The following CLSTN2 variants were observed in gnomAD, a reference collection of about 807,000 sequenced individuals.
CLSTN2 encodes calsyntenin-2.
In CLSTN2, 48 loss-of-function variants were observed where a neutral mutation model predicts 101.2. The observed-to-expected ratio is 0.47, with a 90% CI of 0.38 to 0.60. CLSTN2 has a LOEUF of 0.60. Among genes scored for constraint, CLSTN2 ranks in the 20% least tolerant of loss-of-function variants. CLSTN2 has a pLI of 0.00. For missense variants in CLSTN2, 1,160 were observed against 1,238.2 expected (o/e 0.94, Z 0.95); for synonymous variants, 481 against 463.6 (o/e 1.04, Z -0.48).
chr3:140,193,231 T>G (rs1479699000), intron 2 of CLSTN2, among the ~76,000 whole-genome samples: 2 of 151,100 alleles, frequency 1.3e-5, no homozygotes, highest in Non-Finnish European at 3.0e-5. Context: ...CTTTCTTCTT[T>G]TCTGATGCTC....
intron 1 of CLSTN2, among the ~76,000 whole-genome samples, chr3:140,107,923 G>A (rs1240897032): frequency 3.3e-5 from 5 of 152,306 alleles, no homozygotes; most frequent in African/African-American, 1.2e-4. Flanking sequence ...AAAAAAGTGA[G>A]AGACTTCTCT....
At chr3:140,521,704 G>T (rs997829548) in intron 8 of CLSTN2, among the ~76,000 whole-genome samples, 1 of 152,214 alleles carries the variant, frequency 6.6e-6, no homozygotes, top group African/African-American at 2.4e-5. Context: ...GGACTCTCCA[G>T]AGCCAGCAGG....
chr3:140,329,845 C>T (rs1161354454), intron 2 of CLSTN2, among the ~76,000 whole-genome samples: 1 of 152,166 alleles, frequency 6.6e-6, no homozygotes, highest in African/African-American at 2.4e-5. Flanking sequence ...ATCATTAGGC[C>T]AGTCATAAAA....
intron 6 of CLSTN2, among the ~76,000 whole-genome samples, chr3:140,457,139 G>C (rs1289656413): frequency 6.6e-6 from 1 of 152,224 alleles, no homozygotes; most frequent in Non-Finnish European, 1.5e-5. Context: ...CCTGTGCAGA[G>C]GCCTTGGTGC....
chr3:140,348,049 G>A (rs2087566901), intron 2 of CLSTN2, among the ~76,000 whole-genome samples: 1 of 152,182 alleles, frequency 6.6e-6, no homozygotes, highest in Non-Finnish European at 1.5e-5. Flanking sequence ...GAAAGGAAGA[G>A]TAATGGCACA....
rs1936004842 is a variant in CLSTN2 at position 139,985,422 on chromosome 3, A to ACC, written c.109+49941_109+49942dup. On this transcript the variant is annotated intron_variant, in intron 1 of 16. Transcript: ENST00000458420. ...GTTCCCTCGCAAAACCTCTTAGATG[A>ACC]CCCTCTCAGCTTGATAAAAGTCAAC... Among the ~76,000 whole-genome samples the ACC allele has an allele frequency of 2.0e-5, 3 of 151,910 alleles. No individual in the cohort carries two copies. The South Asian group carries it at 6.2e-4, about 32-fold the overall frequency.
chr3:140,191,270 T>C (rs2010563317), intron 2 of CLSTN2, among the ~76,000 whole-genome samples: 1 of 152,054 alleles, frequency 6.6e-6, no homozygotes, highest in Non-Finnish European at 1.5e-5. Context: ...TCCTACTCAA[T>C]TGTGGTATAT....
intron 2 of CLSTN2, among the ~76,000 whole-genome samples, chr3:140,400,862 A>G (rs2088233750): frequency 6.6e-6 from 1 of 152,180 alleles, no homozygotes; most frequent in South Asian, 2.1e-4. Flanking sequence ...TGGACTCACC[A>G]TGTTCCTTTC....
intron 1 of CLSTN2, among the ~76,000 whole-genome samples, chr3:139,975,608 A>G (rs1935803256): frequency 6.6e-6 from 1 of 152,190 alleles, no homozygotes; most frequent in African/African-American, 2.4e-5. Context: ...CCTCAGACAC[A>G]TGTGAAGATA....
intron 2 of CLSTN2, among the ~76,000 whole-genome samples, chr3:140,285,760 G>A (rs942487432): frequency 6.6e-6 from 1 of 152,148 alleles, no homozygotes; most frequent in Admixed American, 6.5e-5. Flanking sequence ...TAAAATAAAG[G>A]GTGGGCCAGA....
At chr3:140,178,779 T>G (rs1021847717) in intron 2 of CLSTN2, among the ~76,000 whole-genome samples, 3 of 152,144 alleles carry the variant, frequency 2.0e-5, no homozygotes, top group Non-Finnish European at 4.4e-5. Context: ...AATTGAAAAA[T>G]TCATATCTGC....
rs139133221 is a variant in CLSTN2, at chr3:140,185,812, G to A, written c.232+9739G>A. ...AGGGGAGGACAGTGGTCCCACAGAA[G>A]CAGATGTGCCCAGATGGGAGGGAGT... On this transcript the variant is annotated intron_variant, in intron 2 of 16. Coordinates refer to ENST00000458420, the MANE Select transcript of CLSTN2 (RefSeq NM_022131.3). 3.9e-3 allele frequency among the ~76,000 whole-genome samples: 592 copies of A among 152,288 alleles called. 3 individuals are homozygous for A. Among genetic ancestry groups the A allele is most frequent in the Non-Finnish European group, 5.8e-3 (393 of 68,020 alleles).
intron 2 of CLSTN2, among the ~76,000 whole-genome samples, chr3:140,333,553 C>T (rs2087408909): frequency 6.6e-6 from 1 of 152,136 alleles, no homozygotes; most frequent in African/African-American, 2.4e-5. Context: ...CTCTTTTCCA[C>T]TATTTAGTCC....
intron 1 of CLSTN2, among the ~76,000 whole-genome samples, chr3:140,011,417 C>T (rs1049705515): frequency 6.6e-6 from 1 of 152,126 alleles, no homozygotes; most frequent in Non-Finnish European, 1.5e-5. Flanking sequence ...AGACCACCAG[C>T]TCTTCCAACT....
intron 1 of CLSTN2, among the ~76,000 whole-genome samples, chr3:139,987,593 A>T (rs1277013049): frequency 6.6e-6 from 1 of 152,206 alleles, no homozygotes; most frequent in Non-Finnish European, 1.5e-5. Context: ...GATATTAAAT[A>T]AAAAAGTAAG....
intron 1 of CLSTN2, among the ~76,000 whole-genome samples, chr3:139,962,179 T>A (rs1935522124): frequency 6.6e-6 from 1 of 152,192 alleles, no homozygotes; most frequent in African/African-American, 2.4e-5. Flanking sequence ...TTAAAGTTTC[T>A]GATACATATC....
intron 2 of CLSTN2, among the ~76,000 whole-genome samples, chr3:140,290,926 C>A (rs147198277): frequency 1.3e-5 from 2 of 152,122 alleles, no homozygotes; most frequent in African/African-American, 2.4e-5. Context: ...TCCTTTAACA[C>A]CCCTCTCTCC....
At chr3:140,165,684 T>C (rs9818360) in intron 1 of CLSTN2, among the ~76,000 whole-genome samples, 117,128 of 152,010 alleles carry the variant, frequency 0.77, 46,362 homozygotes, top group South Asian at 0.91. Flanking sequence ...GATCTCCTAA[T>C]GGAGGGCAGG....
chr3:140,017,241 G>C (rs1372973374), intron 1 of CLSTN2, among the ~76,000 whole-genome samples: 12 of 152,192 alleles, frequency 7.9e-5, no homozygotes, highest in Non-Finnish European at 1.8e-4. Context: ...AGCCTGGGCA[G>C]GTACTCTCCA....
Sources: allele counts gnomAD v4.1 joint callset (sites outside exome capture counted in the v4.1 genomes callset), GRCh38; gene constraint gnomAD v4.1.1; transcripts MANE v1.5; gene names NCBI Gene and HGNC (gene_info 2026-07-23, HGNC 2026-07-21).